Variants in STIM1 observed in about 807,000 individuals in gnomAD.
STIM1 encodes stromal interaction molecule 1.
Under a neutral mutation model 74.7 loss-of-function variants are expected in STIM1, and 25 were observed. The observed-to-expected ratio is 0.33, with a 90% CI of 0.24 to 0.47. The LOEUF (loss-of-function observed/expected upper bound fraction) is 0.47, where lower values mean the gene tolerates loss of function less well. Among genes scored for constraint, STIM1 ranks in the 20% least tolerant of loss-of-function variants. The pLI is 1.00. For missense variants in STIM1, 728 were observed against 920.8 expected, an observed-to-expected ratio of 0.79 and a Z score of 2.71; for synonymous variants, 328 against 348.8, an observed-to-expected ratio of 0.94 and a Z score of 0.66.
At chr11:3,978,488 C>T (rs760807037) in intron 2 of STIM1, among the ~76,000 whole-genome samples, 6 of 148,608 alleles carry the variant, frequency 4.0e-5, no homozygotes, top group African/African-American at 4.9e-5. Flanking sequence ...GGGCCAGGCA[C>T]GGTGGCTCAT....
chr11:4,091,711 T>A lies in STIM1; in HGVS notation c.2064T>A (p.Asp688Glu). ...GCAAGAAGGCTGTGGCTGAGGAGGA[T>A]AATGGCTCTATTGGCGAGGAAACAG... ...LAGKKAVAEE[D>E]NGSIGEETDS... The change falls in exon 13 of 13, where the codon GAT (aspartate) becomes GAA (glutamate). Residue 688 changes from aspartate (D) to glutamate (E), a missense_variant. Physicochemically the swap from Asp to Glu is conservative, Grantham distance 45 (BLOSUM62 2). Coordinates refer to ENST00000526596, the MANE Select transcript of STIM1 (RefSeq NM_001382567.1). The A allele has an allele frequency of 6.2e-7, 1 of 1,614,128 alleles. No homozygotes were observed. Among genetic ancestry groups the A allele is most frequent in the Non-Finnish European group, 8.5e-7 (1 of 1,180,038 alleles).
At chr11:3,858,180 A>G (rs1309739894) in intron 1 of STIM1, among the ~76,000 whole-genome samples, 6 of 152,094 alleles carry the variant, frequency 3.9e-5, no homozygotes, top group Admixed American at 3.9e-4. Context: ...TATTTTAGAC[A>G]TAAGCTAAAG....
chr11:3,973,817 G>A (rs1442988771), intron 2 of STIM1: 2 of 356,090 alleles, frequency 5.6e-6, no homozygotes, highest in African/African-American at 2.1e-5. Context: ...AGGCTCAAAC[G>A]ATCTTCCTGT....
At chr11:4,090,582 G>T (rs1424186318) in intron 12 of STIM1, among the ~76,000 whole-genome samples, 1 of 152,198 alleles carries the variant, frequency 6.6e-6, no homozygotes, top group Non-Finnish European at 1.5e-5. Context: ...CTCCAGCCTG[G>T]GTCAGGTCCA....
rs1565170451 is a variant in STIM1 at position 4,082,239 on chromosome 11, A to G, written c.1025A>G (p.Tyr342Cys). The change falls in exon 8 of 13, where the codon TAT becomes TGT. Residue 342 changes from tyrosine (Y) to cysteine (C), a missense_variant. Physicochemically the swap from Tyr to Cys is radical, Grantham distance 194. Coordinates refer to ENST00000526596, the MANE Select transcript of STIM1 (RefSeq NM_001382567.1). Reference protein sequence around the residue: ...EKELESHSSWYAPEALQKWLQ... With the variant: ...EKELESHSSWCAPEALQKWLQ... ...GAGCTAGAATCTCACAGCTCATGGT[A>G]TGCTCCAGAGGCCCTTCAGAAGTGG... 6.2e-7 allele frequency: 1 copy of G among 1,613,966 alleles called. No individual in the cohort carries two copies. The highest frequency in any genetic ancestry group is 8.5e-7 in the Non-Finnish European group (1 of 1,180,036).
At chr11:4,046,059 CTTTTTTTTTT>C (rs35783768) in intron 3 of STIM1, among the ~76,000 whole-genome samples, 3 of 59,030 alleles carry the variant, frequency 5.1e-5, no homozygotes, top group Non-Finnish European at 9.0e-5. Flanking sequence ...CGTGAGCTAC[CTTTTTTTTTT>C]TTTTTTTTTT....
chr11:4,091,409 C>T lies in STIM1; in HGVS notation c.1762C>T (p.His588Tyr). 6.2e-7 allele frequency: 1 copy of T among 1,614,218 alleles called. No individual in the cohort carries two copies. Among genetic ancestry groups the T allele is most frequent in the Non-Finnish European group, 8.5e-7 (1 of 1,180,034 alleles). The part of the protein sequence containing the change: ...ALNAMTSNGS[H>Y]RLIEGVHPGS... ...CAATGCCATGACTTCCAATGGCAGC[C>T]ACCGGCTGATCGAGGGGGTCCACCC... is the stretch of plus-strand genomic sequence containing the variant. The change falls in exon 13 of 13, where the codon CAC becomes TAC. Residue 588 changes from histidine (H) to tyrosine (Y), a missense_variant. By Grantham distance (83) the His-to-Tyr change is moderately conservative. This residue lies in a region of STIM1 where 352 missense variants were observed against 370.1 expected (regional missense o/e 0.95). Coordinates refer to ENST00000526596, the MANE Select transcript of STIM1 (RefSeq NM_001382567.1).
chr11:3,891,385 G>A (rs1489277589), intron 1 of STIM1, among the ~76,000 whole-genome samples: 1 of 151,966 alleles, frequency 6.6e-6, no homozygotes, highest in East Asian at 1.9e-4. Flanking sequence ...TGCCTCCTGG[G>A]TTCAAGTGAT....
chr11:4,028,740 G>A (rs187543522), intron 3 of STIM1, among the ~76,000 whole-genome samples: 118 of 152,088 alleles, frequency 7.8e-4, no homozygotes, highest in African/African-American at 2.6e-3. Context: ...TTCTTTCCTC[G>A]TTTTTATGAA....
chr11:3,992,661 A>C (rs2135860045), intron 2 of STIM1, among the ~76,000 whole-genome samples: 1 of 152,260 alleles, frequency 6.6e-6, no homozygotes, highest in Middle Eastern at 3.4e-3. Context: ...GTTTCTGCTC[A>C]TACTTTTGAG....
intron 1 of STIM1, among the ~76,000 whole-genome samples, chr11:3,931,934 A>C (rs2092866283): frequency 6.6e-6 from 1 of 152,182 alleles, no homozygotes; most frequent in Non-Finnish European, 1.5e-5. Context: ...AGTTGAATGA[A>C]GGCTGCCAGA....
chr11:3,913,140 G>A (rs776898638), intron 1 of STIM1, among the ~76,000 whole-genome samples: 19 of 152,012 alleles, frequency 1.2e-4, no homozygotes, highest in Non-Finnish European at 2.2e-4. Flanking sequence ...AGCTTTATCT[G>A]TATCCTGACC....
intron 1 of STIM1, among the ~76,000 whole-genome samples, chr11:3,933,701 G>A (rs1003773259): frequency 1.3e-5 from 2 of 151,954 alleles, no homozygotes; most frequent in East Asian, 1.9e-4. Flanking sequence ...CTTCCCCGCC[G>A]CCCGCCGTCT....
At chr11:4,014,349 G>C (rs983087305) in intron 2 of STIM1, among the ~76,000 whole-genome samples, 4 of 152,182 alleles carry the variant, frequency 2.6e-5, no homozygotes, top group Admixed American at 2.0e-4. Flanking sequence ...TTCCCACGTA[G>C]TTGTGTGGTT....
intron 1 of STIM1, among the ~76,000 whole-genome samples, chr11:3,943,254 G>A (rs2093032344): frequency 6.6e-6 from 1 of 152,196 alleles, no homozygotes. Context: ...GGTATATCCT[G>A]TGATTGTAGA....
chr11:3,959,988 A>C (rs1380394559), intron 1 of STIM1, among the ~76,000 whole-genome samples: 3 of 152,256 alleles, frequency 2.0e-5, no homozygotes, highest in African/African-American at 7.2e-5. Context: ...GTTTTCAACA[A>C]AGAAGTAGAA....
chr11:4,043,088 C>T lies in STIM1; in HGVS notation c.386-12438C>T, dbSNP rs2094161200. Among the ~76,000 whole-genome samples, 4 of 152,152 alleles carry T rather than the reference C, an allele frequency of 2.6e-5. No individual in the cohort carries two copies. The South Asian group carries it at 8.3e-4, about 32-fold the overall frequency. On this transcript the variant is annotated intron_variant, in intron 3 of 12. Transcript: ENST00000526596. ...GTTAAGTGATTTACGCAAGCTAGTT[C>T]ATGGCAGATAGGATAGGCAAGGTCT...
chr11:4,045,536 G>A (rs1238974489), intron 3 of STIM1, among the ~76,000 whole-genome samples: 2 of 149,976 alleles, frequency 1.3e-5, no homozygotes, highest in African/African-American at 4.9e-5. Context: ...TGCAACCTCT[G>A]CCTTCCAGGC....
intron 1 of STIM1, among the ~76,000 whole-genome samples, chr11:3,865,368 A>C (rs1238481932): frequency 6.6e-6 from 1 of 152,092 alleles, no homozygotes; most frequent in East Asian, 1.9e-4. Flanking sequence ...TGTCTACCCT[A>C]ATGGAGCCTG....
Sources: allele counts gnomAD v4.1 joint callset (sites outside exome capture counted in the v4.1 genomes callset), GRCh38; gene constraint gnomAD v4.1.1; regional missense constraint gnomAD v4.1.1; transcripts MANE v1.5; gene names NCBI Gene and HGNC (gene_info 2026-07-23, HGNC 2026-07-21).